MTREX: variants seen among roughly 807,000 people sequenced by gnomAD.
MTREX encodes Mtr4 exosome RNA helicase.
In MTREX, 76 loss-of-function variants were observed where a neutral mutation model predicts 135.4. That is an observed-to-expected ratio of 0.56 (90% CI 0.47 to 0.68). The LOEUF (loss-of-function observed/expected upper bound fraction) is 0.68, where lower values mean the gene tolerates loss of function less well. MTREX is among the 30% of genes least tolerant of loss of function. The probability of loss-of-function intolerance (pLI) is 0.00; values close to 1 mark genes in which losing one functional copy is unlikely to be tolerated. For missense variants in MTREX, 920 were observed against 1,262.1 expected (o/e 0.73, Z 4.11); for synonymous variants, 404 against 401.6 (o/e 1.01, Z -0.07).
intron 19 of MTREX, among the ~76,000 whole-genome samples, chr5:55,395,664 A>T (rs1364662567): frequency 6.6e-6 from 1 of 152,218 alleles, no homozygotes; most frequent in African/African-American, 2.4e-5. Context: ...AAAGTGATCA[A>T]CATTATCTCT....
At chr5:55,410,432 ATATTT>A in intron 22 of MTREX, 87 bp from the exon 23 acceptor site, 1 of 581,400 alleles carries the variant, frequency 1.7e-6, no homozygotes, top group Non-Finnish European at 3.0e-6. Context: ...GTCAAATAAT[ATATTT>A]TATTAAAAAC....
intron 1 of MTREX, among the ~76,000 whole-genome samples, chr5:55,319,036 T>C (rs1197934812): frequency 6.6e-6 from 1 of 152,194 alleles, no homozygotes; most frequent in Non-Finnish European, 1.5e-5. Context: ...TCCCTTCCTC[T>C]TTCTTCCCAT....
intron 25 of MTREX, among the ~76,000 whole-genome samples, chr5:55,418,531 T>G (rs1051119429): frequency 6.6e-6 from 1 of 150,912 alleles, no homozygotes; most frequent in East Asian, 1.9e-4. Flanking sequence ...GGGCTATTTC[T>G]ACATCACAGT....
chr5:55,401,877 AAACTTAC>A lies in MTREX; in HGVS notation c.2481+1461_2481+1467del, dbSNP rs548489932. Among the ~76,000 whole-genome samples the A allele has an allele frequency of 4.0e-3, 615 of 152,320 alleles. 4 individuals carry two copies. Among genetic ancestry groups the A allele is most frequent in the African/African-American group, 0.014 (583 of 41,576 alleles). On this transcript the variant is annotated intron_variant, in intron 21 of 26. Coordinates refer to ENST00000230640, the MANE Select transcript of MTREX (RefSeq NM_015360.5). ...CTATACAAATCTCCTTTCCTCCATG[AAACTTAC>A]AACTCCTTGCTGTTGTACTTTTTCA...
rs1214847101 is a variant in MTREX, at chr5:55,425,122, G to C, written c.*350G>C. The C allele has an allele frequency of 4.0e-6, 6 of 1,496,248 alleles. No homozygotes were observed. Among genetic ancestry groups the C allele is most frequent in the Non-Finnish European group, 5.4e-6 (6 of 1,109,062 alleles). 92.7% of individuals were successfully genotyped at this position (1,496,248 alleles called of 1,614,324 possible). On this transcript the variant is annotated 3_prime_UTR_variant, in exon 27 of 27. Transcript: ENST00000230640. Reference sequence around the variant, plus strand: ...GAAGTCTTTAAAGGCTTGTACACCAGGAAGAAAGATGCATCCTCTTGCCTT... The same window carrying C: ...GAAGTCTTTAAAGGCTTGTACACCACGAAGAAAGATGCATCCTCTTGCCTT...
At chr5:55,326,440 A>G (rs550846285) in intron 3 of MTREX, among the ~76,000 whole-genome samples, 50 of 152,186 alleles carry the variant, frequency 3.3e-4, no homozygotes, top group Middle Eastern at 6.8e-3. Context: ...TACAAACTCT[A>G]TTCTCAGGAG....
At chr5:55,363,816 A>T (rs1750052968) in intron 15 of MTREX, among the ~76,000 whole-genome samples, 1 of 152,106 alleles carries the variant, frequency 6.6e-6, no homozygotes, top group Non-Finnish European at 1.5e-5. Context: ...TAAAATGGAG[A>T]CAGAAAACTG....
At chr5:55,375,273 C>A (rs1334398462) in intron 16 of MTREX, among the ~76,000 whole-genome samples, 2 of 152,152 alleles carry the variant, frequency 1.3e-5, no homozygotes, top group African/African-American at 2.4e-5. Flanking sequence ...ATTTCCTCTA[C>A]CTAATAAGCA....
chr5:55,345,307 GATATGTGATAAAATTGGAT>G, intron 10 of MTREX, 111 bp downstream of exon 10: 1 of 680,664 alleles, frequency 1.5e-6, no homozygotes, highest in Non-Finnish European at 2.6e-6. Flanking sequence ...AGGTCTAGAC[GATATGTGATAAAATTGGAT>G]AAATATTTAT....
At chr5:55,352,024 T>C (rs183077235) in intron 13 of MTREX, among the ~76,000 whole-genome samples, 40 of 151,206 alleles carry the variant, frequency 2.6e-4, no homozygotes, top group Non-Finnish European at 4.9e-4. Context: ...GTTTTTGTTT[T>C]TGTTTTGTTT....
chr5:55,389,958 T>A (rs1750539823), intron 19 of MTREX, among the ~76,000 whole-genome samples: 1 of 152,194 alleles, frequency 6.6e-6, no homozygotes, highest in African/African-American at 2.4e-5. Flanking sequence ...ACTTCATTGA[T>A]TGTGTAGCAT....
intron 18 of MTREX, among the ~76,000 whole-genome samples, chr5:55,384,491 G>A (rs531204328): frequency 2.3e-4 from 35 of 152,042 alleles, no homozygotes; most frequent in Non-Finnish European, 4.9e-4. Flanking sequence ...AGTCTCTTTA[G>A]CCTAACATCT....
chr5:55,365,474 A>T (rs1750086998), intron 15 of MTREX, among the ~76,000 whole-genome samples: 1 of 152,150 alleles, frequency 6.6e-6, no homozygotes, highest in African/African-American at 2.4e-5. Context: ...GACTGCATAC[A>T]TTTAAAATTC....
chr5:55,387,329 G>A (rs1299031309), intron 18 of MTREX, among the ~76,000 whole-genome samples: 1 of 151,984 alleles, frequency 6.6e-6, no homozygotes, highest in African/African-American at 2.4e-5. Context: ...GAACTGTCCT[G>A]GGTGGAGTCC....
At chr5:55,420,602 G>T (rs1751039645) in intron 25 of MTREX, among the ~76,000 whole-genome samples, 1 of 152,136 alleles carries the variant, frequency 6.6e-6, no homozygotes, top group Non-Finnish European at 1.5e-5. Flanking sequence ...GTTGAAAGAA[G>T]GCAGACACAA....
intron 22 of MTREX, 50 bp downstream of exon 22, chr5:55,405,638 A>G: frequency 6.7e-7 from 1 of 1,492,678 alleles, no homozygotes; most frequent in Non-Finnish European, 9.1e-7. Context: ...TTCATTTTTA[A>G]TTTTAATTTT....
At chr5:55,342,726 A>G (rs890104648) in intron 7 of MTREX, among the ~76,000 whole-genome samples, 11 of 152,318 alleles carry the variant, frequency 7.2e-5, no homozygotes, top group Non-Finnish European at 1.3e-4. Context: ...GAAATCATTT[A>G]CCCTTTGAAT....
chr5:55,308,276 A>AG (rs2112007971), intron 1 of MTREX, 129 bp downstream of exon 1: 5 of 1,171,652 alleles, frequency 4.3e-6, no homozygotes, highest in Non-Finnish European at 5.8e-6. Context: ...AAGGGGTTCC[A>AG]GAAAAAAGTT....
intron 16 of MTREX, among the ~76,000 whole-genome samples, chr5:55,375,361 A>T (rs1344537808): frequency 6.6e-6 from 1 of 151,996 alleles, no homozygotes; most frequent in Non-Finnish European, 1.5e-5. Flanking sequence ...CCCAGGGGGG[A>T]CAGTTCAGAG....
Sources: gnomAD v4.1 joint callset for allele counts (sites outside exome capture counted in the v4.1 genomes callset) on GRCh38, gnomAD v4.1.1 for gene constraint, MANE v1.5 for transcripts, NCBI Gene and HGNC (gene_info 2026-07-23, HGNC 2026-07-21) for gene names.